Variants in BRMS1 observed in about 807,000 individuals in gnomAD.
The protein encoded by BRMS1 is BRMS1 transcriptional repressor and anoikis regulator.
In BRMS1, 26 loss-of-function variants were observed where a neutral mutation model predicts 40.4. The ratio of observed to expected loss-of-function variants is 0.64; its 90% CI spans 0.47 to 0.89. BRMS1 has a LOEUF of 0.89. Among genes scored for constraint, BRMS1 ranks in the 40% least tolerant of loss-of-function variants. BRMS1 has a pLI of 0.00. For synonymous variants in BRMS1, 103 were observed against 116.0 expected, an observed-to-expected ratio of 0.89 and a Z score of 0.72; for missense variants, 289 against 309.4, an observed-to-expected ratio of 0.93 and a Z score of 0.49.
rs758720316 is a variant in BRMS1, at chr11:66,340,952, C to T, written c.438+15G>A. 6.2e-7 allele frequency: 1 copy of T among 1,613,898 alleles called. No homozygotes were observed. The highest frequency in any genetic ancestry group is 1.1e-5 in the South Asian group (1 of 91,024). Reference sequence around the variant, plus strand: ...TGTGCCCTGCCTCACCCCCAGTGTGCCCAATCAGGCCCACCTCCAGGTGCT... The same window carrying T: ...TGTGCCCTGCCTCACCCCCAGTGTGTCCAATCAGGCCCACCTCCAGGTGCT... On this transcript the variant is annotated intron_variant, in intron 5 of 9. Coordinates refer to ENST00000359957, the MANE Select transcript of BRMS1 (RefSeq NM_015399.4).
intron 1 of BRMS1, 53 bp from the exon 2 acceptor site, chr11:66,342,294 A>G: frequency 1.3e-6 from 2 of 1,597,732 alleles, no homozygotes; most frequent in South Asian, 2.2e-5. Flanking sequence ...TCAGAGGGGG[A>G]AAGAGGCAGC....
intron 7 of BRMS1, among the ~76,000 whole-genome samples, chr11:66,339,516 C>G (rs751136076): frequency 9.2e-5 from 14 of 152,220 alleles, no homozygotes; most frequent in Non-Finnish European, 1.6e-4. Flanking sequence ...GAGCCCTGGA[C>G]AGTCGGGACA....
At chr11:66,340,289 C>G in intron 6 of BRMS1, 76 bp from the exon 7 acceptor site, 5 of 1,349,944 alleles carry the variant, frequency 3.7e-6, no homozygotes, top group Non-Finnish European at 5.2e-6. Flanking sequence ...CTGCCTCCAC[C>G]ATGGGCCGGC....
chr11:66,337,709 G>A lies in BRMS1; in HGVS notation c.*173C>T. 3 of 1,606,080 alleles carry A rather than the reference G, an allele frequency of 1.9e-6. No homozygotes were observed. Among genetic ancestry groups the A allele is most frequent in the Non-Finnish European group, 2.5e-6 (3 of 1,176,802 alleles). On this transcript the variant is annotated 3_prime_UTR_variant, in exon 10 of 10. Transcript: ENST00000359957. ...AGCTGTGCAGGCCTCGAGGAGGGCA[G>A]AGGAGGAGTCCAGGCCAGTGCCAGA...
In BRMS1 at chr11:66,341,227, T is replaced by C; in HGVS notation, c.337A>G (p.Lys113Glu). ...AGACCTGCCACCTGAATGCGAATCT[T>C]GAGGCTCCGCTGCAGCCCCCCAAGG... Reference protein sequence around the residue: ...EPLGGLQRSLKIRIQVAGIYK... With the variant: ...EPLGGLQRSLEIRIQVAGIYK... The change falls in exon 4 of 10, where the codon AAG (lysine) becomes GAG (glutamate). Residue 113 changes from lysine to glutamate, a missense_variant. Transcript: ENST00000359957. The surrounding 1 kb of genome is among the most constrained non-coding windows in gnomAD (Gnocchi z 4.9). 2 of 1,612,078 alleles carry C rather than the reference T, an allele frequency of 1.2e-6. No individual in the cohort carries two copies. Among genetic ancestry groups the C allele is most frequent in the Non-Finnish European group, 1.7e-6 (2 of 1,178,434 alleles).
chr11:66,342,604 G>A (rs1855112750), intron 1 of BRMS1, among the ~76,000 whole-genome samples: 1 of 152,210 alleles, frequency 6.6e-6, no homozygotes, highest in East Asian at 1.9e-4. Flanking sequence ...GTCTCGCTCT[G>A]TTGACAAGCT....
Position 66,340,104 on chromosome 11 carries a change from C to G in BRMS1, c.628+17G>C, listed in dbSNP as rs1855030997. The G allele has an allele frequency of 1.2e-6, 2 of 1,612,570 alleles. No homozygotes were observed. ...TACATCCTGCCCACTTTTAGGCCACCTTGGGTGAAAGGATACCAGAAACCA... is the reference window on the plus strand; with the variant it reads ...TACATCCTGCCCACTTTTAGGCCACGTTGGGTGAAAGGATACCAGAAACCA... On this transcript the variant is annotated intron_variant, in intron 7 of 9. Coordinates refer to ENST00000359957, the MANE Select transcript of BRMS1 (RefSeq NM_015399.4).
In BRMS1 at chr11:66,337,655, T is replaced by C; in HGVS notation, c.*227A>G. 6.5e-7 allele frequency: 1 copy of C among 1,539,582 alleles called. No homozygotes were observed. The highest frequency in any genetic ancestry group is 2.1e-4 in the Middle Eastern group (1 of 4,848). Reference sequence around the variant, plus strand: ...CGGCTCAGGGATGGAGACAGCAGCCTTGCCTGGTCAGGTCAGCTCCACGGC... The same window carrying C: ...CGGCTCAGGGATGGAGACAGCAGCCCTGCCTGGTCAGGTCAGCTCCACGGC... On this transcript the variant is annotated 3_prime_UTR_variant, in exon 10 of 10. Coordinates refer to ENST00000359957, the MANE Select transcript of BRMS1 (RefSeq NM_015399.4).
chr11:66,338,404 G>A, intron 8 of BRMS1, 122 bp from the exon 9 acceptor site: 8 of 1,525,924 alleles, frequency 5.2e-6, no homozygotes, highest in Admixed American at 2.0e-5. Flanking sequence ...AGGACCGGGA[G>A]CATAGGCCCC....
rs779518509 is a variant in BRMS1, at chr11:66,337,820, G to A, written c.*62C>T. On this transcript the variant is annotated 3_prime_UTR_variant, in exon 10 of 10. Transcript: ENST00000359957. ...TGGGTCCGCCTGTCTGCAGGAGGAA[G>A]ACGAGAATCCTGGGTGCAGTGCCAG... 1 of 1,614,202 alleles carries A rather than the reference G, an allele frequency of 6.2e-7. No individual in the cohort carries two copies. The highest frequency in any genetic ancestry group is 1.7e-5 in the Admixed American group (1 of 60,034).
chr11:66,338,934 T>C (rs1590926867), intron 7 of BRMS1, 149 bp from the exon 8 acceptor site: 2 of 738,472 alleles, frequency 2.7e-6, no homozygotes, highest in East Asian at 5.5e-5. Context: ...TCCTACCTCT[T>C]AACCCCCTGG....
At chr11:66,342,670 G>A (rs1291091184) in intron 1 of BRMS1, among the ~76,000 whole-genome samples, 1 of 152,168 alleles carries the variant, frequency 6.6e-6, no homozygotes, top group Non-Finnish European at 1.5e-5. Flanking sequence ...GGGTTCAAGC[G>A]ATTCTCCTGC....
At position 66,340,189 on chromosome 11, in the gene BRMS1, G is replaced by T. The variant is rs746664615; in HGVS notation, c.560C>A (p.Ala187Asp). The change falls in exon 7 of 10, where the codon GCC becomes GAC. Residue 187 changes from alanine (A) to aspartate (D), a missense_variant. Transcript: ENST00000359957. The stretch of plus-strand genomic sequence containing the variant: ...GTCCCAAGACCTGGAGCTGCCTCTG[G>T]CGTGCAGTTTGTCATCCCACCATTC... Reference protein sequence around the residue: ...SSEWWDDKLHARGSSRSWDSL... With the variant: ...SSEWWDDKLHDRGSSRSWDSL... 3 of 1,613,564 alleles carry T rather than the reference G, an allele frequency of 1.9e-6. No homozygotes were observed. In the South Asian group the frequency reaches 3.3e-5, roughly 18 times the overall value.
chr11:66,343,298 C>T (rs1307816123), intron 1 of BRMS1, among the ~76,000 whole-genome samples: 8 of 152,306 alleles, frequency 5.3e-5, no homozygotes, highest in African/African-American at 1.7e-4. Flanking sequence ...ATTGTCTGCT[C>T]GGCAACATCC....
rs1450396718 is a variant in BRMS1 at position 66,341,884 on chromosome 11, A to ACGTGCTTGTGTGTAGGGGCTGTGTGTG, written c.139+185_139+211dup. The ACGTGCTTGTGTGTAGGGGCTGTGTGTG allele has an allele frequency of 8.4e-6, 5 of 597,834 alleles. No individual in the cohort carries two copies. Among genetic ancestry groups the ACGTGCTTGTGTGTAGGGGCTGTGTGTG allele is most frequent in the South Asian group, 1.9e-5 (1 of 53,790 alleles). 37.0% of individuals were successfully genotyped at this position (597,834 alleles called of 1,614,324 possible). A position where few individuals can be genotyped will look rare whatever the true frequency, so the allele number is the denominator to read the frequency against. Reference sequence around the variant, plus strand: ...GTGTGAAGGGGCTGTGTGTGTGCATACGTGCTTGTGTGTAGGGGCTGTGTG... The same window carrying ACGTGCTTGTGTGTAGGGGCTGTGTGTG: ...GTGTGAAGGGGCTGTGTGTGTGCATACGTGCTTGTGTGTAGGGGCTGTGTGTGCGTGCTTGTGTGTAGGGGCTGTGTG... On this transcript the variant is annotated intron_variant, in intron 2 of 9. Coordinates refer to ENST00000359957, the MANE Select transcript of BRMS1 (RefSeq NM_015399.4). The surrounding 1 kb of genome is among the most constrained non-coding windows in gnomAD (Gnocchi z 4.9).
chr11:66,341,128 C>A lies in BRMS1; in HGVS notation c.358+78G>T. On this transcript the variant is annotated intron_variant, in intron 4 of 9. Coordinates refer to ENST00000359957, the MANE Select transcript of BRMS1 (RefSeq NM_015399.4). The surrounding 1 kb of genome is among the most constrained non-coding windows in gnomAD (Gnocchi z 4.9). ...GAGGGCTGAGAGCAAAGGGCAAGGC[C>A]GGGCAGGAACGAGAGAGGAAGGGGA... is the stretch of plus-strand genomic sequence containing the variant. 6.2e-7 allele frequency: 1 copy of A among 1,612,024 alleles called. No homozygotes were observed. Among genetic ancestry groups the A allele is most frequent in the South Asian group, 1.1e-5 (1 of 91,026 alleles).
Position 66,341,592 on chromosome 11 carries a change from G to C in BRMS1, c.171C>G (p.Arg57=). ...CCAGCATCTCACTGACACACTCGCTGCGGCGTCGCTCATAGTCCTCATCAT... is the reference window on the plus strand; with the variant it reads ...CCAGCATCTCACTGACACACTCGCTCCGGCGTCGCTCATAGTCCTCATCAT... The part of the protein sequence containing the change: ...EMDDEDYERR[R]SECVSEMLDL... Residue 57 remains arginine (R), a synonymous_variant, in exon 3 of 10, where the codon CGC becomes CGG. Coordinates refer to ENST00000359957, the MANE Select transcript of BRMS1 (RefSeq NM_015399.4). This position sits in a 1 kb window ranked among gnomAD's most constrained non-coding sequence, Gnocchi z 4.9. 6.2e-7 allele frequency: 1 copy of C among 1,614,102 alleles called. No individual in the cohort carries two copies.
chr11:66,338,626 G>A, intron 8 of BRMS1, 95 bp downstream of exon 8: 1 of 1,601,578 alleles, frequency 6.2e-7, no homozygotes, highest in Non-Finnish European at 8.5e-7. Context: ...AAGCCTTGGT[G>A]AGCAGAGAAC....
At position 66,340,988 on chromosome 11, in the gene BRMS1, C is replaced by T; in HGVS notation, c.417G>A (p.Gln139=). ...CCACCTCCAGGTGCTGTTTGGCTCCCTGCAGCTCACATTCGTACTTATTCC... is the reference window on the plus strand; with the variant it reads ...CCACCTCCAGGTGCTGTTTGGCTCCTTGCAGCTCACATTCGTACTTATTCC... ...VIRNKYECEL[Q]GAKQHLESEK... Residue 139 remains glutamine (Q), a synonymous_variant, in exon 5 of 10, where the codon CAG becomes CAA. Transcript: ENST00000359957. 6.2e-7 allele frequency: 1 copy of T among 1,614,152 alleles called. No individual in the cohort carries two copies. The highest frequency in any genetic ancestry group is 8.5e-7 in the Non-Finnish European group (1 of 1,180,022).
Sources: gnomAD v4.1 joint callset for allele counts (sites outside exome capture counted in the v4.1 genomes callset) on GRCh38, gnomAD v4.1.1 for gene constraint, Gnocchi (gnomAD v3.1) non-coding constraint, MANE v1.5 for transcripts, NCBI Gene and HGNC (gene_info 2026-07-23, HGNC 2026-07-21) for gene names.